ASIC2: variants seen among roughly 807,000 people sequenced by gnomAD.
The protein encoded by ASIC2 is acid sensing ion channel subunit 2, also known as acid-sensing ion channel 2.
Under a neutral mutation model 57.3 loss-of-function variants are expected in ASIC2, and 25 were observed. The ratio of observed to expected loss-of-function variants is 0.44; its 90% CI spans 0.32 to 0.61. ASIC2 has a LOEUF of 0.61. Among genes scored for constraint, ASIC2 ranks in the 20% least tolerant of loss-of-function variants. The pLI is 0.06. For missense variants in ASIC2, 641 were observed against 738.1 expected (o/e 0.87, Z 1.52); for synonymous variants, 319 against 307.5 (o/e 1.04, Z -0.39).
chr17:34,013,883 C>T (rs1382568080), intron 1 of ASIC2, among the ~76,000 whole-genome samples: 2 of 152,192 alleles, frequency 1.3e-5, no homozygotes, highest in Non-Finnish European at 2.9e-5. Flanking sequence ...CCGCAGCCCT[C>T]AGTGTGCCTG....
At chr17:33,417,240 T>C (rs1001235549) in intron 1 of ASIC2, among the ~76,000 whole-genome samples, 1 of 151,934 alleles carries the variant, frequency 6.6e-6, no homozygotes, top group Non-Finnish European at 1.5e-5. Context: ...TTCCCAGGGG[T>C]TATAAAATCT....
At chr17:33,815,549 C>T (rs1321494508) in intron 1 of ASIC2, among the ~76,000 whole-genome samples, 1 of 152,204 alleles carries the variant, frequency 6.6e-6, no homozygotes, top group Non-Finnish European at 1.5e-5. Flanking sequence ...TCTTACCAAA[C>T]TGACACCCCT....
chr17:33,292,999 C>G lies in ASIC2; in HGVS notation c.-884G>C. On this transcript the variant is annotated 5_prime_UTR_variant, in exon 1 of 10. Coordinates refer to ENST00000225823, the MANE Select transcript of ASIC2 (RefSeq NM_183377.2). ...CGGCTCTCCCAGGTGCCTCGCGTCTCCAGAAAAGCCCAGCCTTGCTGTCTC... is the reference window on the plus strand; with the variant it reads ...CGGCTCTCCCAGGTGCCTCGCGTCTGCAGAAAAGCCCAGCCTTGCTGTCTC... 1 of 985,604 alleles carries G rather than the reference C, an allele frequency of 1.0e-6. No individual in the cohort carries two copies. Among genetic ancestry groups the G allele is most frequent in the Non-Finnish European group, 1.2e-6 (1 of 830,028 alleles). The allele number at this position is 985,604 out of a possible 1,614,324, so 61.1% of individuals were successfully genotyped here.
chr17:33,049,570 A>G (rs1417096731), intron 3 of ASIC2, among the ~76,000 whole-genome samples: 2 of 152,166 alleles, frequency 1.3e-5, no homozygotes. Context: ...TACACAGCAA[A>G]TGGACTCATG....
intron 1 of ASIC2, among the ~76,000 whole-genome samples, chr17:34,030,321 T>C (rs1907546336): frequency 6.6e-6 from 1 of 152,190 alleles, no homozygotes; most frequent in Admixed American, 6.5e-5. Context: ...AATCCATCCA[T>C]TCGAAATTTT....
At chr17:33,767,382 T>C (rs1462600952) in intron 1 of ASIC2, among the ~76,000 whole-genome samples, 1 of 152,240 alleles carries the variant, frequency 6.6e-6, no homozygotes, top group Non-Finnish European at 1.5e-5. Flanking sequence ...GACACGGTGA[T>C]AGGCAGATTT....
At chr17:34,147,328 T>A (rs1051247469) in intron 1 of ASIC2, among the ~76,000 whole-genome samples, 2 of 152,234 alleles carry the variant, frequency 1.3e-5, no homozygotes, top group African/African-American at 4.8e-5. Context: ...GGCAAATACG[T>A]TGCTTCTGTT....
At chr17:33,939,512 C>G (rs1332525992) in intron 1 of ASIC2, among the ~76,000 whole-genome samples, 1 of 152,150 alleles carries the variant, frequency 6.6e-6, no homozygotes, top group Non-Finnish European at 1.5e-5. Flanking sequence ...CCTCTAATTC[C>G]CTGGATCCCC....
chr17:33,684,333 G>T (rs939789618), intron 1 of ASIC2, among the ~76,000 whole-genome samples: 2 of 152,134 alleles, frequency 1.3e-5, no homozygotes, highest in African/African-American at 4.8e-5. Context: ...GGGGAGGGGG[G>T]TGCTCTTCAG....
chr17:34,156,377 A>G lies in ASIC2; in HGVS notation c.156T>C (p.Ser52=). The change falls in exon 1 of 10, where the codon TCT becomes TCC. Residue 52 remains serine (S), a synonymous_variant. Coordinates refer to the ASIC2 transcript ENST00000359872. The surrounding 1 kb of genome is among the most constrained non-coding windows in gnomAD (Gnocchi z 4.4). ...AGCTCTCCACCAGCAGCAGGCCCAGAGAGCCCACGAAGGCCACTGCCCACA... is the reference window on the plus strand; with the variant it reads ...AGCTCTCCACCAGCAGCAGGCCCAGGGAGCCCACGAAGGCCACTGCCCACA... 2 of 1,614,084 alleles carry G rather than the reference A, an allele frequency of 1.2e-6. No homozygotes were observed. Among genetic ancestry groups the G allele is most frequent in the East Asian group, 2.2e-5 (1 of 44,866 alleles).
intron 3 of ASIC2, among the ~76,000 whole-genome samples, chr17:33,063,936 T>G (rs776920693): frequency 8.5e-5 from 13 of 152,246 alleles, no homozygotes; most frequent in Non-Finnish European, 1.5e-4. Context: ...ATACCTTTTC[T>G]TCCAGTTGAT....
chr17:33,602,753 G>A (rs1424024532), intron 1 of ASIC2, among the ~76,000 whole-genome samples: 1 of 152,164 alleles, frequency 6.6e-6, no homozygotes, highest in Non-Finnish European at 1.5e-5. Flanking sequence ...ACCTTTGCAT[G>A]GACTGGTCCT....
chr17:34,009,354 T>C (rs1467692944), intron 1 of ASIC2, among the ~76,000 whole-genome samples: 13 of 152,172 alleles, frequency 8.5e-5, no homozygotes, highest in African/African-American at 3.1e-4. Context: ...CCACACTAGG[T>C]TATTGAGCGC....
At chr17:34,088,037 A>C (rs372903766) in intron 1 of ASIC2, among the ~76,000 whole-genome samples, 6 of 152,034 alleles carry the variant, frequency 3.9e-5, no homozygotes, top group Admixed American at 3.9e-4. Context: ...TCTTCTCTCA[A>C]CTCGTCAAAG....
chr17:33,963,633 CATATAAT>C (rs924806542), intron 1 of ASIC2, among the ~76,000 whole-genome samples: 13 of 151,388 alleles, frequency 8.6e-5, no homozygotes, highest in African/African-American at 3.2e-4. Context: ...ATGTATATTC[CATATAAT>C]ATATAATAAT....
chr17:33,411,862 G>A (rs16968314), intron 1 of ASIC2, among the ~76,000 whole-genome samples: 33,836 of 151,968 alleles, frequency 0.22, 4,361 homozygotes, highest in East Asian at 0.66. Flanking sequence ...TCACTGTGAG[G>A]GTCAAATGAG....
chr17:33,811,247 G>A (rs1912411163), intron 1 of ASIC2, among the ~76,000 whole-genome samples: 1 of 152,196 alleles, frequency 6.6e-6, no homozygotes, highest in African/African-American at 2.4e-5. Flanking sequence ...TTCTGGCCCT[G>A]CTCTTCATTT....
intron 1 of ASIC2, among the ~76,000 whole-genome samples, chr17:33,268,709 A>G (rs1170130860): frequency 6.6e-6 from 1 of 152,160 alleles, no homozygotes; most frequent in Admixed American, 6.5e-5. Flanking sequence ...CACCGTCCCA[A>G]GCACTTTTAC....
In ASIC2 at chr17:33,559,500, G is replaced by T. The variant is rs145195278; in HGVS notation, c.556-447433C>A. 5.4e-3 allele frequency among the ~76,000 whole-genome samples: 817 copies of T among 152,078 alleles called. 5 individuals carry two copies. The highest frequency in any genetic ancestry group is 0.019 in the African/African-American group (781 of 41,490). On this transcript the variant is annotated intron_variant, in intron 1 of 9. Coordinates refer to the ASIC2 transcript ENST00000359872. ...TTCATAATTTTCTTTTTTTTCAAAG[G>T]TCGTGGTCTTGCCATTGCCATTGCC...
Sources: allele counts gnomAD v4.1 joint callset (sites outside exome capture counted in the v4.1 genomes callset), GRCh38; gene constraint gnomAD v4.1.1; non-coding constraint Gnocchi (gnomAD v3.1); transcripts MANE v1.5; gene names NCBI Gene and HGNC (gene_info 2026-07-23, HGNC 2026-07-21).